Variants in USP48 observed in about 807,000 individuals in gnomAD.
USP48 encodes ubiquitin carboxyl-terminal hydrolase 48.
A neutral mutation model predicts 150.7 loss-of-function variants in USP48; 43 were observed. That is an observed-to-expected ratio of 0.29 (90% CI 0.22 to 0.37). The LOEUF (loss-of-function observed/expected upper bound fraction) is 0.37, where lower values mean the gene tolerates loss of function less well. Ranked by LOEUF, USP48 falls within the 10% of genes least tolerant of loss-of-function variation. The pLI is 1.00. For synonymous variants in USP48, 396 were observed against 425.9 expected, an observed-to-expected ratio of 0.93 and a Z score of 0.86; for missense variants, 813 against 1,249.6, an observed-to-expected ratio of 0.65 and a Z score of 5.27.
intron 26 of USP48, among the ~76,000 whole-genome samples, chr1:21,680,192 A>AG (rs1376382783): frequency 6.6e-6 from 1 of 152,236 alleles, no homozygotes; most frequent in Non-Finnish European, 1.5e-5. Flanking sequence ...ACAACCTGCC[A>AG]GGGGCTTCTG....
chr1:21,685,564 C>T (rs1488284079), intron 25 of USP48, among the ~76,000 whole-genome samples: 2 of 152,320 alleles, frequency 1.3e-5, no homozygotes, highest in East Asian at 1.9e-4. Context: ...CTCCACTTGC[C>T]TCACCCTCCC....
intron 11 of USP48, chr1:21,728,352 A>C: frequency 7.7e-7 from 1 of 1,292,184 alleles, no homozygotes. Context: ...ATAATTTATT[A>C]ACAGCTTCCC....
chr1:21,686,618 T>C (rs541872476), intron 25 of USP48: 1 of 152,292 alleles, frequency 6.6e-6, no homozygotes, highest in South Asian at 2.1e-4. Context: ...TGGGGGAGGG[T>C]AAGTAATGGG....
intron 1 of USP48, among the ~76,000 whole-genome samples, chr1:21,775,005 A>G (rs1348767748): frequency 1.3e-5 from 2 of 148,256 alleles, no homozygotes; most frequent in Non-Finnish European, 3.0e-5. Context: ...AAATAAATAA[A>G]TAAATAAATA....
At chr1:21,765,158 G>A (rs944109854) in intron 1 of USP48, among the ~76,000 whole-genome samples, 5 of 152,184 alleles carry the variant, frequency 3.3e-5, no homozygotes, top group Non-Finnish European at 2.9e-5. Flanking sequence ...GCCATAGTAC[G>A]ATAAGGAATT....
chr1:21,745,450 GGTGGAATATGCC>G (rs1280933367), intron 8 of USP48, among the ~76,000 whole-genome samples: 1 of 152,098 alleles, frequency 6.6e-6, no homozygotes, highest in Non-Finnish European at 1.5e-5. Context: ...AGCTGGGCCT[GGTGGAATATGCC>G]TGTAGTTCCA....
intron 1 of USP48, among the ~76,000 whole-genome samples, chr1:21,777,947 G>GA (rs1223837823): frequency 1.4e-5 from 2 of 141,600 alleles, no homozygotes; most frequent in Non-Finnish European, 3.0e-5. Flanking sequence ...CCAGCATAGT[G>GA]AAACCCCGTC....
At chr1:21,710,247 A>C (rs981651946) in intron 15 of USP48, among the ~76,000 whole-genome samples, 2 of 152,214 alleles carry the variant, frequency 1.3e-5, no homozygotes, top group Admixed American at 6.5e-5. Context: ...TTCAGTAAAC[A>C]TAACTAGAAT....
In USP48 at chr1:21,768,754, C is replaced by T. The variant is rs181321931; in HGVS notation, c.135-10971G>A. ...CACCCTAAGCCCAGCATACCCACCA[C>T]CCGTGTAGGCCACTCCTGCTAGTAG... On this transcript the variant is annotated intron_variant, in intron 1 of 26. Transcript: ENST00000308271. Among the ~76,000 whole-genome samples the T allele has an allele frequency of 3.2e-3, 485 of 151,684 alleles. 1 individual carries two copies. The highest frequency in any genetic ancestry group is 5.3e-3 in the Non-Finnish European group (363 of 67,986).
Position 21,698,755 on chromosome 1 carries a change from C to T in USP48, c.2727+2743G>A, listed in dbSNP as rs199522522. Among the ~76,000 whole-genome samples, 1,066 of 151,976 alleles carry T rather than the reference C, an allele frequency of 7.0e-3. 20 individuals are homozygous for T. The highest frequency in any genetic ancestry group is 0.063 in the East Asian group (319 of 5,082). On this transcript the variant is annotated intron_variant, in intron 22 of 26. Transcript: ENST00000308271. ...TAAAAAATACAAAAAATTAGCTGGG[C>T]GTGGTGGCGGGCGCCTGTAGTCCCC... is the stretch of plus-strand genomic sequence containing the variant.
In USP48 at chr1:21,782,880, C is replaced by T. The variant is rs754686220; in HGVS notation, c.78G>A (p.Glu26=). Reference sequence around the variant, plus strand: ...AGATGCGGTAAGCGGTCTCGATGTGCTCCTGCGACACCTCCTCGGGCCGCA... The same window carrying T: ...AGATGCGGTAAGCGGTCTCGATGTGTTCCTGCGACACCTCCTCGGGCCGCA... ...ETVRPEEVSQ[E]HIETAYRIWL... Residue 26 remains glutamate (E), a synonymous_variant, in exon 1 of 27, where the codon GAG becomes GAA. Coordinates refer to ENST00000308271, the MANE Select transcript of USP48 (RefSeq NM_032236.8). 3.2e-6 allele frequency: 5 copies of T among 1,558,582 alleles called. No individual in the cohort carries two copies. Among genetic ancestry groups the T allele is most frequent in the South Asian group, 2.4e-5 (2 of 84,552 alleles).
intron 9 of USP48, among the ~76,000 whole-genome samples, chr1:21,734,413 A>T (rs2152561512): frequency 6.6e-6 from 1 of 152,304 alleles, no homozygotes; most frequent in South Asian, 2.1e-4. Context: ...AAATATATAA[A>T]TAAAAGGAAA....
At chr1:21,681,096 G>A (rs575079042) in intron 25 of USP48, 35 of 319,336 alleles carry the variant, frequency 1.1e-4, no homozygotes, top group East Asian at 2.3e-4. Flanking sequence ...CCTAGTGCAC[G>A]ACTCTAGGAG....
intron 8 of USP48, among the ~76,000 whole-genome samples, chr1:21,744,803 T>A (rs36117988): frequency 0.13 from 9,446 of 74,088 alleles, 376 homozygotes; most frequent in Middle Eastern, 0.19. Flanking sequence ...AAAAAAAAAA[T>A]GCTAAGCTTT....
chr1:21,704,409 C>T lies in USP48; in HGVS notation c.2385-17G>A. 3 of 1,575,978 alleles carry T rather than the reference C, an allele frequency of 1.9e-6. No homozygotes were observed. The highest frequency in any genetic ancestry group is 2.6e-6 in the Non-Finnish European group (3 of 1,167,370). ...AGAGCTATACTGTGCAAAAAAAAAACACAACATGCCTTAAGACACATGGAA... is the reference window on the plus strand; with the variant it reads ...AGAGCTATACTGTGCAAAAAAAAAATACAACATGCCTTAAGACACATGGAA... On this transcript the variant is annotated splice_polypyrimidine_tract_variant and intron_variant, in intron 19 of 26. Coordinates refer to ENST00000308271, the MANE Select transcript of USP48 (RefSeq NM_032236.8).
chr1:21,690,528 T>C (rs1431272231), intron 23 of USP48, among the ~76,000 whole-genome samples: 2 of 152,014 alleles, frequency 1.3e-5, no homozygotes, highest in Non-Finnish European at 2.9e-5. Context: ...TTTTCTTTTT[T>C]TTTTGTTGTT....
chr1:21,695,677 C>T (rs1471373009), intron 22 of USP48, among the ~76,000 whole-genome samples: 1 of 152,146 alleles, frequency 6.6e-6, no homozygotes, highest in South Asian at 2.1e-4. Flanking sequence ...CCACTGGACT[C>T]CAGTCTGCTG....
intron 23 of USP48, among the ~76,000 whole-genome samples, chr1:21,693,197 A>G (rs2097608471): frequency 1.3e-5 from 2 of 152,178 alleles, no homozygotes; most frequent in South Asian, 4.1e-4. Flanking sequence ...AAATAATACA[A>G]CTAAACACTG....
chr1:21,781,694 A>G (rs1039232849), intron 1 of USP48, among the ~76,000 whole-genome samples: 1 of 152,226 alleles, frequency 6.6e-6, no homozygotes, highest in African/African-American at 2.4e-5. Flanking sequence ...AGCTCGTGAC[A>G]CTGCACTCCA....
Sources: gnomAD v4.1 joint callset for allele counts (sites outside exome capture counted in the v4.1 genomes callset) on GRCh38, gnomAD v4.1.1 for gene constraint, MANE v1.5 for transcripts, NCBI Gene and HGNC (gene_info 2026-07-23, HGNC 2026-07-21) for gene names.